The following INSYN2B variants were observed in gnomAD, a reference collection of about 807,000 sequenced individuals.
INSYN2B encodes the protein protein INSYN2B.
INSYN2B carries 16 observed loss-of-function variants against 41.2 expected under a neutral mutation model. That is an observed-to-expected ratio of 0.39 (90% confidence interval 0.26 to 0.59). The LOEUF (loss-of-function observed/expected upper bound fraction) is 0.59. INSYN2B is among the 20% of genes least tolerant of loss of function. INSYN2B has a pLI of 0.57. For missense variants in INSYN2B, 608 were observed against 646.4 expected, an observed-to-expected ratio of 0.94 and a Z score of 0.64; for synonymous variants, 245 against 244.4, an observed-to-expected ratio of 1.00 and a Z score of -0.02.
chr5:169,934,030 T>A (rs955651886), intron 1 of INSYN2B, among the ~76,000 whole-genome samples: 4 of 152,228 alleles, frequency 2.6e-5, no homozygotes, highest in Non-Finnish European at 5.9e-5. Flanking sequence ...GGGCAGAGCA[T>A]GCCAATCTTC....
chr5:169,969,742 G>T (rs1410350536), intron 1 of INSYN2B, among the ~76,000 whole-genome samples: 1 of 152,186 alleles, frequency 6.6e-6, no homozygotes, highest in African/African-American at 2.4e-5. Flanking sequence ...GGACTGAGGG[G>T]TTTCCCAGGA....
intron 1 of INSYN2B, among the ~76,000 whole-genome samples, chr5:169,971,300 G>A (rs1427766786): frequency 6.6e-6 from 1 of 152,186 alleles, no homozygotes; most frequent in African/African-American, 2.4e-5. Context: ...GCCTGCCGGG[G>A]AGCTGGGGCC....
intron 1 of INSYN2B, among the ~76,000 whole-genome samples, chr5:169,898,346 C>T (rs1011609179): frequency 1.3e-5 from 2 of 152,180 alleles, no homozygotes; most frequent in South Asian, 4.1e-4. Flanking sequence ...CCCACAGCAG[C>T]CAGGTGTACT....
At chr5:169,965,152 G>T (rs1777249909) in intron 1 of INSYN2B, among the ~76,000 whole-genome samples, 1 of 152,210 alleles carries the variant, frequency 6.6e-6, no homozygotes, top group Admixed American at 6.5e-5. Flanking sequence ...GGGGAGGATT[G>T]CAGAGAAGGC....
chr5:169,922,245 A>G (rs1380659463), intron 1 of INSYN2B, among the ~76,000 whole-genome samples: 2 of 152,232 alleles, frequency 1.3e-5, no homozygotes, highest in African/African-American at 4.8e-5. Context: ...ATTGCTTCCA[A>G]AGAATGAATT....
In INSYN2B at chr5:169,913,263, G is replaced by A. The variant is rs114828133; in HGVS notation, c.-918-28447C>T. Among the ~76,000 whole-genome samples the A allele has an allele frequency of 1.9e-3, 292 of 152,306 alleles. 3 individuals carry two copies. Among genetic ancestry groups the A allele is most frequent in the African/African-American group, 4.3e-3 (177 of 41,568 alleles). On this transcript the variant is annotated intron_variant, in intron 1 of 3. Transcript: ENST00000377365. ...CTATTCGGCTCTACTCATCCCAAGA[G>A]TAGAGATAATCTTTCTCTTTGTACA...
At chr5:169,872,365 T>A (rs974079609) in intron 3 of INSYN2B, among the ~76,000 whole-genome samples, 12 of 152,160 alleles carry the variant, frequency 7.9e-5, no homozygotes, top group African/African-American at 2.9e-4. Flanking sequence ...GGAACTTTAG[T>A]TTGTATGTTT....
chr5:169,882,431 A>AACAACAGTGCTTCAAACATTTTGGAGAC, intron 2 of INSYN2B, 122 bp downstream of exon 2: 1 of 793,280 alleles, frequency 1.3e-6, no homozygotes, highest in South Asian at 1.9e-5. Context: ...GATTTGGAGA[A>AACAACAGTGCTTCAAACATTTTGGAGAC]ACAACAGTGC....
At chr5:169,872,033 A>G (rs971438731) in intron 3 of INSYN2B, among the ~76,000 whole-genome samples, 1 of 152,192 alleles carries the variant, frequency 6.6e-6, no homozygotes, top group Non-Finnish European at 1.5e-5. Flanking sequence ...ATAAACAGGC[A>G]TGCCAACAAG....
intron 1 of INSYN2B, among the ~76,000 whole-genome samples, chr5:169,950,101 G>A (rs1490718698): frequency 6.6e-6 from 1 of 152,184 alleles, no homozygotes; most frequent in African/African-American, 2.4e-5. Flanking sequence ...ACCATTCTCA[G>A]TAGATGGTGG....
At chr5:169,920,479 C>CA (rs1430481175) in intron 1 of INSYN2B, among the ~76,000 whole-genome samples, 1 of 152,016 alleles carries the variant, frequency 6.6e-6, no homozygotes, top group African/African-American at 2.4e-5. Flanking sequence ...TTTGGCTCAA[C>CA]AGTTTGTTGG....
At chr5:169,950,298 C>G (rs1776605881) in intron 1 of INSYN2B, among the ~76,000 whole-genome samples, 1 of 152,204 alleles carries the variant, frequency 6.6e-6, no homozygotes, top group Non-Finnish European at 1.5e-5. Context: ...ACAAGCAGAC[C>G]TTCCTCATAG....
intron 1 of INSYN2B, among the ~76,000 whole-genome samples, chr5:169,918,522 T>C (rs112096844): frequency 2.6e-5 from 4 of 152,202 alleles, no homozygotes; most frequent in African/African-American, 7.2e-5. Context: ...GATGGATCCA[T>C]ATGTGGTGAA....
chr5:169,906,192 C>T (rs552941399), intron 1 of INSYN2B, among the ~76,000 whole-genome samples: 6 of 152,236 alleles, frequency 3.9e-5, no homozygotes, highest in African/African-American at 1.4e-4. Context: ...TGCCCGGGGC[C>T]GTGGATAGTC....
chr5:169,865,477 C>T (rs1392573693), intron 3 of INSYN2B, among the ~76,000 whole-genome samples: 3 of 152,172 alleles, frequency 2.0e-5, no homozygotes, highest in African/African-American at 7.2e-5. Flanking sequence ...AGAGCCGGGG[C>T]AGAAAAAACG....
At chr5:169,942,755 CAG>C (rs1366564853) in intron 1 of INSYN2B, among the ~76,000 whole-genome samples, 1 of 152,176 alleles carries the variant, frequency 6.6e-6, no homozygotes, top group African/African-American at 2.4e-5. Flanking sequence ...GTTCAGGAAA[CAG>C]AGATCACCAA....
rs369630463 is a variant in INSYN2B, at chr5:169,917,628, G to A, written c.-918-32812C>T. On this transcript the variant is annotated intron_variant, in intron 1 of 3. Coordinates refer to ENST00000377365, the MANE Select transcript of INSYN2B (RefSeq NM_001129891.3). ...TTGCTTGCTGTTTTTTGGTGATTGC[G>A]AAACACTAGAAAGTCCCAAAGGAAT... Among the ~76,000 whole-genome samples, 27 of 152,240 alleles carry A rather than the reference G, an allele frequency of 1.8e-4. No homozygotes were observed. The South Asian group carries it at 2.7e-3, about 15-fold the overall frequency.
intron 1 of INSYN2B, among the ~76,000 whole-genome samples, chr5:169,895,855 A>G (rs1561803916): frequency 2.0e-5 from 3 of 152,218 alleles, no homozygotes; most frequent in Non-Finnish European, 2.9e-5. Context: ...TGCCTGGCAC[A>G]TAATAGATAT....
chr5:169,898,072 C>G (rs896939501), intron 1 of INSYN2B, among the ~76,000 whole-genome samples: 2 of 152,222 alleles, frequency 1.3e-5, no homozygotes, highest in African/African-American at 4.8e-5. Flanking sequence ...AGTCCCCTGT[C>G]AGAAGTGACT....
Sources: gnomAD v4.1 joint callset for allele counts (sites outside exome capture counted in the v4.1 genomes callset) on GRCh38, gnomAD v4.1.1 for gene constraint, MANE v1.5 for transcripts, NCBI Gene and HGNC (gene_info 2026-07-23, HGNC 2026-07-21) for gene names.